The following CSMD1 variants were observed in gnomAD, a reference collection of about 807,000 sequenced individuals.
CSMD1 encodes CUB and Sushi multiple domains 1.
CSMD1 carries 213 observed loss-of-function variants against 417.5 expected under a neutral mutation model. That is an observed-to-expected ratio of 0.51 (90% confidence interval 0.46 to 0.57). The LOEUF is 0.57. Ranked by LOEUF, CSMD1 falls within the 20% of genes least tolerant of loss-of-function variation. CSMD1 has a pLI of 0.00. For synonymous variants in CSMD1, 2,862 were observed against 1,736.8 expected (o/e 1.65, Z -16.11); for missense variants, 6,923 against 4,529.7 (o/e 1.53, Z -15.17).
At chr8:3,250,337 C>T (rs568181412) in intron 26 of CSMD1, among the ~76,000 whole-genome samples, 110 of 152,236 alleles carry the variant, frequency 7.2e-4, no homozygotes, top group African/African-American at 2.5e-3. Flanking sequence ...TGATAGTTTG[C>T]TGAGAATGAT....
intron 8 of CSMD1, among the ~76,000 whole-genome samples, chr8:3,593,325 T>C (rs1305314878): frequency 2.0e-5 from 3 of 152,192 alleles, no homozygotes; most frequent in African/African-American, 7.2e-5. Context: ...GAAGCCCCTG[T>C]GTCTCCTGGT....
rs144555104 is a variant in CSMD1, at chr8:3,928,458, C to T, written c.818+69445G>A. Among the ~76,000 whole-genome samples the T allele has an allele frequency of 2.6e-5, 4 of 152,246 alleles. No individual in the cohort carries two copies. The East Asian group carries it at 7.7e-4, about 29-fold the overall frequency. The stretch of plus-strand genomic sequence containing the variant: ...AAAACCAGTAACTGCTGAATTAATT[C>T]AATCTTTTTGTAGAAATAAAAATGC... On this transcript the variant is annotated intron_variant, in intron 5 of 69. Transcript: ENST00000635120.
intron 3 of CSMD1, among the ~76,000 whole-genome samples, chr8:4,278,645 TAA>T (rs1796614556): frequency 6.6e-6 from 1 of 152,200 alleles, no homozygotes; most frequent in Admixed American, 6.5e-5. Context: ...GAATTCAACA[TAA>T]AGTGTAGCTT....
At chr8:4,432,704 C>T (rs2128948062) in intron 2 of CSMD1, among the ~76,000 whole-genome samples, 1 of 152,274 alleles carries the variant, frequency 6.6e-6, no homozygotes, top group East Asian at 1.9e-4. Context: ...TCTCCAGAGC[C>T]TGTGCTTTTA....
intron 3 of CSMD1, among the ~76,000 whole-genome samples, chr8:4,284,335 T>G (rs1196428431): frequency 5.9e-5 from 9 of 151,822 alleles, no homozygotes; most frequent in Non-Finnish European, 1.0e-4. Context: ...GCCAATGCAC[T>G]CCAGCCTGGG....
chr8:4,739,381 C>T (rs977493245), intron 1 of CSMD1, among the ~76,000 whole-genome samples: 1 of 152,314 alleles, frequency 6.6e-6, no homozygotes, highest in Admixed American at 6.5e-5. Flanking sequence ...TCAGCTCAGT[C>T]ATATTCCCTA....
chr8:3,484,172 T>C (rs1281430769), intron 11 of CSMD1, among the ~76,000 whole-genome samples: 2 of 152,212 alleles, frequency 1.3e-5, no homozygotes, highest in African/African-American at 2.4e-5. Flanking sequence ...TCACTCCGCC[T>C]GATATTAACA....
chr8:4,750,961 TTGA>T (rs1563290006), intron 1 of CSMD1, among the ~76,000 whole-genome samples: 2 of 151,624 alleles, frequency 1.3e-5, no homozygotes, highest in African/African-American at 2.4e-5. Context: ...CATGTCTGTA[TTGA>T]CACTTTAAGG....
chr8:3,265,369 T>G (rs374251973), intron 26 of CSMD1, among the ~76,000 whole-genome samples: 2 of 152,302 alleles, frequency 1.3e-5, no homozygotes. Flanking sequence ...CCAAGCGTGA[T>G]AAAGATAATT....
intron 6 of CSMD1, among the ~76,000 whole-genome samples, chr8:3,741,547 C>G (rs1266190071): frequency 6.6e-6 from 1 of 152,206 alleles, no homozygotes; most frequent in African/African-American, 2.4e-5. Context: ...TTATTTCTAT[C>G]CATTTATGAT....
chr8:3,620,248 G>C (rs1408049241), intron 7 of CSMD1, among the ~76,000 whole-genome samples: 1 of 152,114 alleles, frequency 6.6e-6, no homozygotes, highest in Non-Finnish European at 1.5e-5. Flanking sequence ...TCAAAATAGA[G>C]TGAGTTTATT....
chr8:4,336,396 G>A (rs555392142), intron 3 of CSMD1, among the ~76,000 whole-genome samples: 74 of 152,238 alleles, frequency 4.9e-4, no homozygotes, highest in African/African-American at 1.7e-3. Context: ...CGTGACCCAT[G>A]GCCACTCCTG....
intron 11 of CSMD1, among the ~76,000 whole-genome samples, chr8:3,470,010 A>G (rs1042843947): frequency 1.3e-5 from 2 of 152,172 alleles, no homozygotes; most frequent in Non-Finnish European, 2.9e-5. Flanking sequence ...AACAAGCCAA[A>G]AAGCGCACAG....
chr8:4,461,537 A>C (rs184522692), intron 2 of CSMD1, among the ~76,000 whole-genome samples: 1 of 106,416 alleles, frequency 9.4e-6, no homozygotes, highest in Non-Finnish European at 1.8e-5. Context: ...GCAAAAATCC[A>C]TATTTTTTTT....
chr8:3,056,288 A>G (rs1284158890), intron 49 of CSMD1, among the ~76,000 whole-genome samples: 2 of 152,152 alleles, frequency 1.3e-5, no homozygotes, highest in Non-Finnish European at 2.9e-5. Context: ...CAAACCCCAC[A>G]TGGGATTTCT....
chr8:4,434,679 G>C (rs1407403421), intron 2 of CSMD1, among the ~76,000 whole-genome samples: 2 of 152,134 alleles, frequency 1.3e-5, no homozygotes, highest in African/African-American at 2.4e-5. Context: ...TTTTTGACTG[G>C]AAAGGAACAA....
intron 6 of CSMD1, among the ~76,000 whole-genome samples, chr8:3,717,401 TTTTG>T (rs1439264771): frequency 5.7e-4 from 85 of 149,072 alleles, no homozygotes; most frequent in Non-Finnish European, 1.6e-4. Context: ...ACAGTATTAA[TTTTG>T]TTTTTCTTTT....
chr8:3,022,198 T>C (rs999042051), intron 51 of CSMD1, among the ~76,000 whole-genome samples: 2 of 148,402 alleles, frequency 1.3e-5, no homozygotes, highest in African/African-American at 5.0e-5. Flanking sequence ...GCATCCGGAA[T>C]GCACCCGCAG....
intron 1 of CSMD1, among the ~76,000 whole-genome samples, chr8:4,837,167 T>A (rs976674146): frequency 6.6e-6 from 1 of 152,084 alleles, no homozygotes; most frequent in South Asian, 2.1e-4. Context: ...CACTAACACA[T>A]GCGGGTGAGG....
Sources: gnomAD v4.1 joint callset for allele counts (sites outside exome capture counted in the v4.1 genomes callset) on GRCh38, gnomAD v4.1.1 for gene constraint, MANE v1.5 for transcripts, NCBI Gene and HGNC (gene_info 2026-07-23, HGNC 2026-07-21) for gene names.